Variants in ZNF106 observed in about 807,000 individuals in gnomAD.
ZNF106 encodes the protein zinc finger protein 106, also known as SH3-domain binding protein 3.
ZNF106 carries 67 observed loss-of-function variants against 195.1 expected under a neutral mutation model. The observed-to-expected ratio is 0.34, with a 90% CI of 0.28 to 0.42. ZNF106 has a LOEUF of 0.42. Ranked by LOEUF, ZNF106 falls within the 10% of genes least tolerant of loss-of-function variation. The probability of loss-of-function intolerance (pLI) is 1.00; values close to 1 mark genes in which losing one functional copy is unlikely to be tolerated. For missense variants in ZNF106, 2,118 were observed against 2,304.5 expected, an observed-to-expected ratio of 0.92 and a Z score of 1.66; for synonymous variants, 784 against 818.6, an observed-to-expected ratio of 0.96 and a Z score of 0.72.
chr15:42,464,131 G>C (rs1019902517), intron 3 of ZNF106, among the ~76,000 whole-genome samples: 1 of 152,066 alleles, frequency 6.6e-6, no homozygotes, highest in African/African-American at 2.4e-5. Context: ...CACAAGGTCA[G>C]GAGTTCAAGA....
At chr15:42,442,757 T>A (rs945164123) in intron 9 of ZNF106, among the ~76,000 whole-genome samples, 1 of 151,224 alleles carries the variant, frequency 6.6e-6, no homozygotes, top group Non-Finnish European at 1.5e-5. Context: ...GCTGGGATTA[T>A]AGGCACATGC....
chr15:42,453,653 T>C (rs2141368502), intron 4 of ZNF106, among the ~76,000 whole-genome samples: 1 of 151,792 alleles, frequency 6.6e-6, no homozygotes, highest in African/African-American at 2.4e-5. Context: ...TGGAGTGCAA[T>C]GGCACGATCT....
intron 6 of ZNF106, 34 bp downstream of exon 6, chr15:42,448,038 A>G (rs774408017): frequency 1.3e-6 from 2 of 1,562,442 alleles, no homozygotes; most frequent in South Asian, 2.4e-5. Flanking sequence ...GCCACATGCG[A>G]TGTTCTACAA....
chr15:42,443,238 T>G (rs531014213), intron 9 of ZNF106, among the ~76,000 whole-genome samples: 2 of 152,280 alleles, frequency 1.3e-5, no homozygotes, highest in African/African-American at 4.8e-5. Context: ...GGGAGAAGAT[T>G]TGAACCCAGG....
chr15:42,456,709 C>T (rs770416580), intron 4 of ZNF106, among the ~76,000 whole-genome samples: 1 of 151,450 alleles, frequency 6.6e-6, no homozygotes, highest in South Asian at 2.1e-4. Flanking sequence ...ACATAGTTAC[C>T]AACATGGCAA....
At chr15:42,434,825 G>A (rs868185135) in intron 14 of ZNF106, among the ~76,000 whole-genome samples, 2 of 149,620 alleles carry the variant, frequency 1.3e-5, no homozygotes, top group South Asian at 4.2e-4. Context: ...CAAGGCTGGA[G>A]TGCAGTGGCA....
intron 1 of ZNF106, among the ~76,000 whole-genome samples, chr15:42,480,484 A>G (rs2056876508): frequency 6.6e-6 from 1 of 152,232 alleles, no homozygotes; most frequent in African/African-American, 2.4e-5. Flanking sequence ...TTATTAATAT[A>G]GTTGAATTAG....
chr15:42,479,185 C>T (rs185076177), intron 1 of ZNF106, among the ~76,000 whole-genome samples: 18 of 152,060 alleles, frequency 1.2e-4, no homozygotes, highest in Admixed American at 5.2e-4. Context: ...ACCAGCCTGG[C>T]CAACATGGTG....
intron 12 of ZNF106, 45 bp from the exon 13 acceptor site, chr15:42,437,422 G>C (rs1272802591): frequency 1.3e-6 from 2 of 1,595,188 alleles, no homozygotes; most frequent in Non-Finnish European, 1.7e-6. Flanking sequence ...GCTAGAGTCT[G>C]AAAAGATACT....
At chr15:42,424,615 A>C (rs1050225436) in intron 16 of ZNF106, 6 of 478,390 alleles carry the variant, frequency 1.3e-5, no homozygotes, top group Non-Finnish European at 1.1e-5. Flanking sequence ...CCTCATAAGT[A>C]GTACAGGTGC....
intron 4 of ZNF106, among the ~76,000 whole-genome samples, chr15:42,456,412 G>A (rs886991422): frequency 1.3e-5 from 2 of 152,162 alleles, no homozygotes; most frequent in Non-Finnish European, 2.9e-5. Flanking sequence ...ACTTTGGGAG[G>A]CTGAGGTGGG....
intron 3 of ZNF106, among the ~76,000 whole-genome samples, chr15:42,458,841 C>T (rs1242906138): frequency 6.6e-6 from 1 of 150,592 alleles, no homozygotes; most frequent in Admixed American, 6.6e-5. Context: ...AAACTGTCTT[C>T]TAGTAAATAC....
intron 10 of ZNF106, among the ~76,000 whole-genome samples, chr15:42,441,222 A>G (rs994035379): frequency 7.4e-5 from 11 of 148,796 alleles, no homozygotes; most frequent in African/African-American, 2.5e-4. Context: ...AGGCATCTGT[A>G]GTCCTAGCTC....
At chr15:42,435,605 A>C in intron 13 of ZNF106, 87 bp from the exon 14 acceptor site, 2 of 1,530,658 alleles carry the variant, frequency 1.3e-6, no homozygotes, top group Non-Finnish European at 1.8e-6. Flanking sequence ...ATGCTAAAAC[A>C]TTCAGTTCAC....
At chr15:42,420,787 T>G (rs1243010592) in intron 20 of ZNF106, among the ~76,000 whole-genome samples, 1 of 152,164 alleles carries the variant, frequency 6.6e-6, no homozygotes, top group Non-Finnish European at 1.5e-5. Flanking sequence ...TAGTAATCTC[T>G]GATGAGCGGG....
rs137861810 is a variant in ZNF106, at chr15:42,449,912, C to T, written c.2360G>A (p.Arg787Gln). ...ARRIRNISGHRKSETEKESGL... is the reference protein window; with the variant it reads ...ARRIRNISGHQKSETEKESGL... The stretch of plus-strand genomic sequence containing the variant: ...AGACTCCTTCTCTGTCTCACTCTTT[C>T]GGTGACCGCTAATATTGCGAATGCG... Residue 787 changes from arginine (R) to glutamine (Q), a missense_variant, in exon 5 of 22, where the codon CGA becomes CAA. Coordinates refer to ENST00000564754, the MANE Select transcript of ZNF106 (RefSeq NM_001366845.3). The T allele has an allele frequency of 7.7e-5, 125 of 1,614,022 alleles. No homozygotes were observed. The highest frequency in any genetic ancestry group is 9.9e-5 in the Non-Finnish European group (117 of 1,180,034).
At chr15:42,443,212 T>C (rs1329543841) in intron 9 of ZNF106, among the ~76,000 whole-genome samples, 6 of 152,180 alleles carry the variant, frequency 3.9e-5, no homozygotes, top group Non-Finnish European at 8.8e-5. Flanking sequence ...CAAAGTTATA[T>C]AGGCTACTAA....
intron 3 of ZNF106, among the ~76,000 whole-genome samples, chr15:42,462,690 T>C (rs886714452): frequency 2.6e-5 from 4 of 152,102 alleles, no homozygotes; most frequent in South Asian, 2.1e-4. Context: ...AAGAGAGAAA[T>C]AGGATTTAGA....
At chr15:42,461,543 G>A (rs1196488159) in intron 3 of ZNF106, among the ~76,000 whole-genome samples, 2 of 152,154 alleles carry the variant, frequency 1.3e-5, no homozygotes, top group Non-Finnish European at 2.9e-5. Flanking sequence ...CTTTTTAATA[G>A]TCTCTATCTG....
Sources: gnomAD v4.1 joint callset for allele counts (sites outside exome capture counted in the v4.1 genomes callset) on GRCh38, gnomAD v4.1.1 for gene constraint, MANE v1.5 for transcripts, NCBI Gene and HGNC (gene_info 2026-07-23, HGNC 2026-07-21) for gene names.